SEMA3C: variants seen among roughly 807,000 people sequenced by gnomAD.
The protein encoded by SEMA3C is semaphorin-3C.
Under a neutral mutation model 89.4 loss-of-function variants are expected in SEMA3C, and 47 were observed. That is an observed-to-expected ratio of 0.53 (90% CI 0.42 to 0.67). The LOEUF (loss-of-function observed/expected upper bound fraction) is 0.67. SEMA3C is among the 30% of genes least tolerant of loss of function. The pLI, the probability that SEMA3C is intolerant of heterozygous loss-of-function variation, is 0.00. For synonymous variants in SEMA3C, 310 were observed against 320.2 expected (o/e 0.97, Z 0.34); for missense variants, 839 against 929.1 (o/e 0.90, Z 1.26).
At chr7:80,795,550 C>A (rs2115625935) in intron 11 of SEMA3C, among the ~76,000 whole-genome samples, 1 of 152,264 alleles carries the variant, frequency 6.6e-6, no homozygotes, top group Middle Eastern at 3.4e-3. Flanking sequence ...AACAAATGGT[C>A]ATTCTTGAGA....
intron 2 of SEMA3C, among the ~76,000 whole-genome samples, chr7:80,860,937 T>C (rs1790757020): frequency 6.6e-6 from 1 of 152,218 alleles, no homozygotes; most frequent in Non-Finnish European, 1.5e-5. Context: ...GTTTGTTTAT[T>C]GAGTGCCAGT....
chr7:80,913,729 A>C (rs1381729367), intron 2 of SEMA3C, among the ~76,000 whole-genome samples: 1 of 152,354 alleles, frequency 6.6e-6, no homozygotes, highest in South Asian at 2.1e-4. Flanking sequence ...AATTAATAAC[A>C]TCTGAAGTAC....
At chr7:80,765,291 A>T in intron 12 of SEMA3C, 48 bp from the exon 13 acceptor site, 1 of 1,406,602 alleles carries the variant, frequency 7.1e-7, no homozygotes, top group South Asian at 1.2e-5. Context: ...TTTTTAAAAG[A>T]AAGCTATTTA....
intron 2 of SEMA3C, among the ~76,000 whole-genome samples, chr7:80,886,817 A>G (rs1319419524): frequency 6.6e-6 from 1 of 152,170 alleles, no homozygotes; most frequent in Non-Finnish European, 1.5e-5. Context: ...CATTTATTCT[A>G]ACCTTAAATT....
chr7:80,751,516 A>AG (rs1199151836), intron 15 of SEMA3C, among the ~76,000 whole-genome samples, 180 bp from the exon 16 acceptor site: 4 of 126,070 alleles, frequency 3.2e-5, no homozygotes, highest in Non-Finnish European at 6.7e-5. Context: ...ATCAATAATG[A>AG]GGGGGGGTAC....
At chr7:80,818,530 C>T (rs1789666213) in intron 4 of SEMA3C, 112 bp from the exon 5 acceptor site, 2 of 1,249,832 alleles carry the variant, frequency 1.6e-6, no homozygotes. Flanking sequence ...GTGACATAAA[C>T]TTTTGATGTA....
intron 11 of SEMA3C, among the ~76,000 whole-genome samples, chr7:80,797,102 A>G (rs558254939): frequency 3.9e-5 from 6 of 152,294 alleles, no homozygotes; most frequent in African/African-American, 1.4e-4. Flanking sequence ...GTATCTTTTG[A>G]TTTTTAAAAT....
At chr7:80,913,902 CT>C (rs748534405) in intron 2 of SEMA3C, among the ~76,000 whole-genome samples, 7 of 152,136 alleles carry the variant, frequency 4.6e-5, no homozygotes, top group Admixed American at 1.3e-4. Flanking sequence ...CTCTACACAC[CT>C]TGAAATTGCC....
intron 16 of SEMA3C, 130 bp downstream of exon 16, chr7:80,751,139 C>A: frequency 1.4e-6 from 1 of 699,568 alleles, no homozygotes; most frequent in South Asian, 2.1e-5. Context: ...TATATAAATA[C>A]CCAGAATTGT....
At chr7:80,826,132 C>T (rs891813626) in intron 4 of SEMA3C, among the ~76,000 whole-genome samples, 1 of 152,102 alleles carries the variant, frequency 6.6e-6, no homozygotes, top group Non-Finnish European at 1.5e-5. Context: ...ACTTTTGCAA[C>T]TTTACACCTG....
At position 80,758,534 on chromosome 7, in the gene SEMA3C, AG is replaced by A. The variant is rs775661853; in HGVS notation, c.1486-47del. On this transcript the variant is annotated intron_variant, in intron 14 of 17. Coordinates refer to ENST00000265361, the MANE Select transcript of SEMA3C (RefSeq NM_006379.5). ...ATTTATTTCAGATGTGGAAGTTAAA[AG>A]AAGACTTTCAGCAGGAACACATTAT... The A allele has an allele frequency of 1.9e-6, 3 of 1,577,558 alleles. No individual in the cohort carries two copies. In the African/African-American group the frequency reaches 4.1e-5, roughly 21 times the overall value.
At chr7:80,892,724 G>A (rs578043683) in intron 2 of SEMA3C, among the ~76,000 whole-genome samples, 20 of 152,206 alleles carry the variant, frequency 1.3e-4, no homozygotes, top group African/African-American at 1.2e-4. Context: ...AAATTCAGGC[G>A]TAAGTATTTT....
chr7:80,771,031 G>A (rs912766487), intron 12 of SEMA3C, among the ~76,000 whole-genome samples: 1 of 152,178 alleles, frequency 6.6e-6, no homozygotes, highest in Non-Finnish European at 1.5e-5. Context: ...TCAGTTAAAC[G>A]AAGAAAACAG....
chr7:80,757,744 G>A (rs541396756), intron 15 of SEMA3C, among the ~76,000 whole-genome samples: 11 of 152,286 alleles, frequency 7.2e-5, no homozygotes, highest in Admixed American at 5.9e-4. Flanking sequence ...GCCAAGGCAG[G>A]TGGATCACGA....
intron 5 of SEMA3C, among the ~76,000 whole-genome samples, chr7:80,816,417 T>A (rs1176355727): frequency 2.6e-5 from 4 of 152,166 alleles, no homozygotes; most frequent in Non-Finnish European, 4.4e-5. Flanking sequence ...GTATCACCCA[T>A]GGTCATTACA....
upstream of SEMA3C, among the ~76,000 whole-genome samples, chr7:80,921,855 T>G (rs1792414952): frequency 6.6e-6 from 1 of 152,188 alleles, no homozygotes; most frequent in Admixed American, 6.5e-5. Context: ...CTATTTAACT[T>G]AAAACTCTAG....
chr7:80,813,683 G>C (rs1027892214), intron 5 of SEMA3C, among the ~76,000 whole-genome samples: 1 of 151,976 alleles, frequency 6.6e-6, no homozygotes, highest in African/African-American at 2.4e-5. Context: ...ATTATTCCTT[G>C]TGTTTCTTTG....
chr7:80,748,404 T>C (rs937501864), intron 17 of SEMA3C, among the ~76,000 whole-genome samples: 2 of 152,156 alleles, frequency 1.3e-5, no homozygotes, highest in African/African-American at 4.8e-5. Context: ...TTCCATATAT[T>C]ACCTAACCAA....
intron 7 of SEMA3C, among the ~76,000 whole-genome samples, chr7:80,804,491 G>A (rs1789290400): frequency 6.6e-6 from 1 of 151,980 alleles, no homozygotes; most frequent in Non-Finnish European, 1.5e-5. Flanking sequence ...TCAAAAAATT[G>A]AAAAACTTTT....
Sources: gnomAD v4.1 joint callset for allele counts (sites outside exome capture counted in the v4.1 genomes callset) on GRCh38, gnomAD v4.1.1 for gene constraint, MANE v1.5 for transcripts, NCBI Gene and HGNC (gene_info 2026-07-23, HGNC 2026-07-21) for gene names.